SLC29A1: variants seen among roughly 807,000 people sequenced by gnomAD.
The protein encoded by SLC29A1 is equilibrative nucleoside transporter 1.
In SLC29A1, 22 loss-of-function variants were observed where a neutral mutation model predicts 48.3. That is an observed-to-expected ratio of 0.46 (90% CI 0.33 to 0.65). SLC29A1 has a LOEUF of 0.65. Ranked by LOEUF, SLC29A1 falls within the 30% of genes least tolerant of loss-of-function variation. The probability of loss-of-function intolerance (pLI) is 0.03; values close to 1 mark genes in which losing one functional copy is unlikely to be tolerated. For missense variants in SLC29A1, 491 were observed against 575.3 expected, an observed-to-expected ratio of 0.85 and a Z score of 1.50; for synonymous variants, 228 against 231.0, an observed-to-expected ratio of 0.99 and a Z score of 0.12.
chr6:44,229,801 C>T lies in SLC29A1; in HGVS notation c.314+10C>T, dbSNP rs2153299527. 1 of 1,611,830 alleles carries T rather than the reference C, an allele frequency of 6.2e-7. No homozygotes were observed. The highest frequency in any genetic ancestry group is 8.5e-7 in the Non-Finnish European group (1 of 1,178,640). ...CCTTCCTGCATCAGAGGTGAGTGCC[C>T]ACCCCCTCCCCAGCCCCCAGCCTGA... is the stretch of plus-strand genomic sequence containing the variant. On this transcript the variant is annotated intron_variant, in intron 4 of 12. Coordinates refer to ENST00000371755, the MANE Select transcript of SLC29A1 (RefSeq NM_001372327.1). The surrounding 1 kb of genome is among the most constrained non-coding windows in gnomAD (Gnocchi z 5.1).
intron 1 of SLC29A1, among the ~76,000 whole-genome samples, chr6:44,224,782 A>G (rs1777116877): frequency 6.6e-6 from 1 of 152,158 alleles, no homozygotes. Context: ...GGCTACTTTC[A>G]GGGGCCCACC....
At chr6:44,221,281 C>T (rs558517348), upstream of SLC29A1, among the ~76,000 whole-genome samples, 1 of 152,322 alleles carries the variant, frequency 6.6e-6, no homozygotes, top group East Asian at 1.9e-4. The surrounding 1 kb of genome is among the most constrained non-coding windows in gnomAD (Gnocchi z 4.2). Flanking sequence ...AGCCCTGTCA[C>T]AAGGCCATGG....
chr6:44,230,090 AC>A, intron 5 of SLC29A1, 44 bp downstream of exon 5: 1 of 1,597,932 alleles, frequency 6.3e-7, no homozygotes, highest in Non-Finnish European at 8.5e-7. Context: ...GGCATGCCCA[AC>A]TACCCCCACT....
chr6:44,224,860 G>A (rs1777133711), intron 1 of SLC29A1, among the ~76,000 whole-genome samples: 1 of 152,142 alleles, frequency 6.6e-6, no homozygotes, highest in South Asian at 2.1e-4. Context: ...CCTGTTTGCC[G>A]CTGGGCAAAG....
intron 1 of SLC29A1, chr6:44,224,018 G>C (rs1223502388): frequency 1.2e-6 from 1 of 831,190 alleles, no homozygotes; most frequent in Non-Finnish European, 1.4e-6. Context: ...GGATGGGGAT[G>C]GGGATGGAGG....
upstream of SLC29A1, among the ~76,000 whole-genome samples, chr6:44,220,524 T>C (rs1239185938): frequency 6.6e-6 from 1 of 151,538 alleles, no homozygotes; most frequent in Non-Finnish European, 1.5e-5. Context: ...TAAAACTTAT[T>C]TTGGTAAGGG....
chr6:44,232,949 C>A lies in SLC29A1; in HGVS notation c.1202C>A (p.Ala401Asp). ...GATGCCTGGTTCATCTTCTTCATGGCTGCCTTTGCCTTCTCCAACGGCTAC... is the reference window on the plus strand; with the variant it reads ...GATGCCTGGTTCATCTTCTTCATGGATGCCTTTGCCTTCTCCAACGGCTAC... ...EHDAWFIFFM[A>D]AFAFSNGYLA... The change falls in exon 12 of 13, where the codon GCT becomes GAT. Residue 401 changes from alanine (A) to aspartate (D), a missense_variant. Physicochemically the swap from Ala to Asp is moderately radical, Grantham distance 126. Transcript: ENST00000371755. The surrounding 1 kb of genome is among the most constrained non-coding windows in gnomAD (Gnocchi z 4.7). 6.2e-7 allele frequency: 1 copy of A among 1,614,106 alleles called. No individual in the cohort carries two copies. The highest frequency in any genetic ancestry group is 8.5e-7 in the Non-Finnish European group (1 of 1,180,044).
chr6:44,230,028 A>G lies in SLC29A1; in HGVS notation c.436A>G (p.Lys146Glu). The G allele has an allele frequency of 5.6e-6, 9 of 1,608,718 alleles. No individual in the cohort carries two copies. The African/African-American group carries it at 1.1e-4, about 19-fold the overall frequency. Reference protein sequence around the residue: ...ALPFFVITMIKIVLINSFGAI... With the variant: ...ALPFFVITMIEIVLINSFGAI... ...GCCCTTCTTTGTCATCACCATGATC[A>G]AGATCGTGCTCATTAATTGTAAGCT... The change falls in exon 5 of 13, where the codon AAG (lysine) becomes GAG (glutamate). Residue 146 changes from lysine to glutamate, a missense_variant. Transcript: ENST00000371755.
intron 12 of SLC29A1, 51 bp downstream of exon 12, chr6:44,233,057 C>A: frequency 6.4e-7 from 1 of 1,558,642 alleles, no homozygotes; most frequent in South Asian, 1.1e-5. Flanking sequence ...ATCTAGAGTT[C>A]CAGTGGGGGA....
intron 7 of SLC29A1, 37 bp from the exon 8 acceptor site, chr6:44,230,774 C>T (rs1778669083): frequency 1.3e-6 from 2 of 1,593,780 alleles, no homozygotes; most frequent in Admixed American, 1.7e-5. Context: ...GAGATTCTGC[C>T]TCTAAATCCA....
At chr6:44,230,103 T>C (rs755372118) in intron 5 of SLC29A1, 57 bp downstream of exon 5, 1 of 1,591,976 alleles carries the variant, frequency 6.3e-7, no homozygotes, top group East Asian at 2.2e-5. Context: ...ACCCCCACTC[T>C]TTTTTCAGAC....
At chr6:44,226,240 C>A in intron 1 of SLC29A1, 1 of 409,344 alleles carries the variant, frequency 2.4e-6, no homozygotes, top group Non-Finnish European at 3.3e-6. Context: ...CCCAGCTAGG[C>A]CTGAGTGTGG....
chr6:44,223,481 A>T, upstream of SLC29A1: 1 of 641,766 alleles, frequency 1.6e-6, no homozygotes, highest in South Asian at 6.0e-5. The surrounding 1 kb of genome is among the most constrained non-coding windows in gnomAD (Gnocchi z 5.0). Context: ...GCGGGGTGGC[A>T]GGGGTGGGCC....
At position 44,230,559 on chromosome 6, in the gene SLC29A1, C is replaced by T. The variant is rs8187639; in HGVS notation, c.590-9C>T. The T allele has an allele frequency of 1.1e-4, 183 of 1,613,968 alleles. No individual in the cohort carries two copies. The African/African-American group carries it at 2.1e-3, about 19-fold the overall frequency. Reference sequence around the variant, plus strand: ...TGGGGCCTGTCTCTGATCACTGACACCACCCCAGGTGGCTCGGAGCTATCA... The same window carrying T: ...TGGGGCCTGTCTCTGATCACTGACATCACCCCAGGTGGCTCGGAGCTATCA... On this transcript the variant is annotated splice_polypyrimidine_tract_variant and intron_variant, in intron 6 of 12. Coordinates refer to ENST00000371755, the MANE Select transcript of SLC29A1 (RefSeq NM_001372327.1).
At position 44,233,829 on chromosome 6, in the gene SLC29A1, G is replaced by A; in HGVS notation, c.*301G>A. The A allele has an allele frequency of 2.4e-6, 1 of 424,356 alleles. No homozygotes were observed. The highest frequency in any genetic ancestry group is 4.5e-5 in the East Asian group (1 of 22,404). The allele number at this position is 424,356 out of a possible 1,614,324, so 26.3% of individuals were successfully genotyped here. Reference sequence around the variant, plus strand: ...TGTGCAGGCCAGTGGAGGCTCTTGGGCTTGGAGAACACGTGTGTCTCTGTG... The same window carrying A: ...TGTGCAGGCCAGTGGAGGCTCTTGGACTTGGAGAACACGTGTGTCTCTGTG... On this transcript the variant is annotated 3_prime_UTR_variant, in exon 13 of 13. Transcript: ENST00000371755.
rs549295791 is a variant in SLC29A1 at position 44,231,398 on chromosome 6, A to C, written c.801A>C (p.Gly267=). The C allele has an allele frequency of 3.2e-5, 52 of 1,604,918 alleles. No individual in the cohort carries two copies. The South Asian group carries it at 5.3e-4, about 17-fold the overall frequency. Residue 267 remains glycine (G), a synonymous_variant, in exon 9 of 13, where the codon GGA becomes GGC. Transcript: ENST00000371755. ...EEPRAGKEES[G]VSVSNSQPTN... ...CAAGAGCAGGCAAAGAGGAATCTGGAGTTTCAGTCTCCAACTCTCAGCCCA... is the reference window on the plus strand; with the variant it reads ...CAAGAGCAGGCAAAGAGGAATCTGGCGTTTCAGTCTCCAACTCTCAGCCCA...
At chr6:44,222,697 C>T (rs1488324250), upstream of SLC29A1, among the ~76,000 whole-genome samples, 1 of 152,126 alleles carries the variant, frequency 6.6e-6, no homozygotes, top group Non-Finnish European at 1.5e-5. Context: ...CTTGCTGGAC[C>T]ACCCCTCAGC....
Position 44,230,310 on chromosome 6 carries a change from C to G in SLC29A1, c.455-37C>G, listed in dbSNP as rs1778541909. 1.9e-6 allele frequency: 3 copies of G among 1,595,208 alleles called. No individual in the cohort carries two copies. The Admixed American group carries it at 5.1e-5, about 27-fold the overall frequency. On this transcript the variant is annotated intron_variant, in intron 5 of 12. Transcript: ENST00000371755. ...TTCTTGGGCACCCCCAACCACCAGC[C>G]CTAGCTCCCCTGCTCATGCCCGCCC...
rs1172654669 is a variant in SLC29A1 at position 44,229,211 on chromosome 6, C to T, written c.30-179C>T. ...CATCCCCACCCCAAATTCCAACGAG[C>T]AATGTACCCTTTTCTCCCCCCACAC... is the stretch of plus-strand genomic sequence containing the variant. On this transcript the variant is annotated intron_variant, in intron 2 of 12. Transcript: ENST00000371755. This position sits in a 1 kb window ranked among gnomAD's most constrained non-coding sequence, Gnocchi z 5.1. 6.6e-6 allele frequency among the ~76,000 whole-genome samples: 1 copy of T among 152,002 alleles called. No individual in the cohort carries two copies. The highest frequency in any genetic ancestry group is 1.5e-5 in the Non-Finnish European group (1 of 67,972).
Sources: gnomAD v4.1 joint callset for allele counts (sites outside exome capture counted in the v4.1 genomes callset) on GRCh38, gnomAD v4.1.1 for gene constraint, Gnocchi (gnomAD v3.1) non-coding constraint, MANE v1.5 for transcripts, NCBI Gene and HGNC (gene_info 2026-07-23, HGNC 2026-07-21) for gene names.